Variants in ZFPM2 observed in about 807,000 individuals in gnomAD.
ZFPM2 encodes zinc finger protein ZFPM2.
Under a neutral mutation model 98.6 loss-of-function variants are expected in ZFPM2, and 20 were observed. The observed-to-expected ratio is 0.20, with a 90% confidence interval of 0.14 to 0.29. The LOEUF is 0.29. ZFPM2 is among the 10% of genes least tolerant of loss of function. The pLI, the probability that ZFPM2 is intolerant of heterozygous loss-of-function variation, is 1.00. For missense variants in ZFPM2, 1,310 were observed against 1,388.6 expected (o/e 0.94, Z 0.90); for synonymous variants, 518 against 502.7 (o/e 1.03, Z -0.41).
At chr8:105,578,778 C>T (rs1229309806) in intron 4 of ZFPM2, among the ~76,000 whole-genome samples, 2 of 152,064 alleles carry the variant, frequency 1.3e-5, no homozygotes, top group Non-Finnish European at 2.9e-5. Flanking sequence ...TAAGTTGGAG[C>T]TCAAGTTTCT....
At chr8:105,460,800 A>G (rs1473857152) in intron 3 of ZFPM2, among the ~76,000 whole-genome samples, 1 of 152,110 alleles carries the variant, frequency 6.6e-6, no homozygotes, top group Admixed American at 6.5e-5. Context: ...AGAAAAAAAA[A>G]ATGCTCCATG....
At chr8:105,656,039 C>A (rs752737848) in intron 5 of ZFPM2, among the ~76,000 whole-genome samples, 2 of 152,048 alleles carry the variant, frequency 1.3e-5, no homozygotes, top group Non-Finnish European at 2.9e-5. Flanking sequence ...TTTCTAGACA[C>A]TGGAGTGACC....
intron 4 of ZFPM2, among the ~76,000 whole-genome samples, chr8:105,594,768 A>C (rs73309943): frequency 0.092 from 14,010 of 152,014 alleles, 677 homozygotes; most frequent in African/African-American, 0.14. Context: ...CCTTTTCAGC[A>C]CTCATGTTAA....
At chr8:105,601,866 A>T (rs1816100056) in intron 4 of ZFPM2, among the ~76,000 whole-genome samples, 2 of 152,088 alleles carry the variant, frequency 1.3e-5, no homozygotes, top group African/African-American at 4.8e-5. Context: ...GAAAAGGATA[A>T]ATTTATTTAT....
chr8:105,546,862 A>G (rs569219685), intron 3 of ZFPM2, among the ~76,000 whole-genome samples: 2 of 152,292 alleles, frequency 1.3e-5, no homozygotes, highest in East Asian at 3.9e-4. Context: ...TTAATGATTT[A>G]TGAAATCAAT....
chr8:105,752,661 TGAAATGAACTTAAGGAG>T (rs751720776), intron 5 of ZFPM2, among the ~76,000 whole-genome samples: 61 of 152,302 alleles, frequency 4.0e-4, no homozygotes, highest in South Asian at 8.3e-4. Context: ...CCACCTTATT[TGAAATGAACTTAAGGAG>T]TGATTTCGGG....
At chr8:105,596,793 T>C (rs1815980620) in intron 4 of ZFPM2, among the ~76,000 whole-genome samples, 1 of 142,358 alleles carries the variant, frequency 7.0e-6, no homozygotes, top group African/African-American at 2.6e-5. Flanking sequence ...CCTGAGCAGA[T>C]AGAGCAGATA....
chr8:105,756,689 GGA>G (rs1235104727), intron 5 of ZFPM2, among the ~76,000 whole-genome samples: 4 of 152,138 alleles, frequency 2.6e-5, no homozygotes, highest in Non-Finnish European at 2.9e-5. Context: ...ATGTAAGACG[GGA>G]GAGGGGGAAA....
At chr8:105,674,368 C>T (rs1176273154) in intron 5 of ZFPM2, among the ~76,000 whole-genome samples, 2 of 152,166 alleles carry the variant, frequency 1.3e-5, no homozygotes, top group Admixed American at 6.5e-5. Context: ...GAAATAATTA[C>T]AGCCATGAAC....
At chr8:105,791,809 T>G (rs1813620467) in intron 6 of ZFPM2, among the ~76,000 whole-genome samples, 1 of 152,152 alleles carries the variant, frequency 6.6e-6, no homozygotes, top group African/African-American at 2.4e-5. Context: ...TCTTCCTGGT[T>G]TAGTCTTGGG....
intron 3 of ZFPM2, among the ~76,000 whole-genome samples, chr8:105,445,391 A>T (rs888000893): frequency 3.9e-5 from 6 of 152,180 alleles, no homozygotes; most frequent in African/African-American, 1.4e-4. Context: ...TCAAAAATGT[A>T]TTATATTTAA....
In ZFPM2 at chr8:105,419,988, C is replaced by T. The variant is rs553340683; in HGVS notation, c.199+686C>T. Among the ~76,000 whole-genome samples, 34 of 152,114 alleles carry T rather than the reference C, an allele frequency of 2.2e-4. No homozygotes were observed. The South Asian group carries it at 6.8e-3, about 31-fold the overall frequency. ...TTTCATAAGTCAGTTTAAGGTTCCT[C>T]ATGATTCTTATATATTTATTTTTAT... On this transcript the variant is annotated intron_variant, in intron 2 of 7. Coordinates refer to ENST00000407775, the MANE Select transcript of ZFPM2 (RefSeq NM_012082.4).
At chr8:105,521,153 AAACAC>A (rs1246495659) in intron 3 of ZFPM2, among the ~76,000 whole-genome samples, 34 of 150,648 alleles carry the variant, frequency 2.3e-4, no homozygotes, top group African/African-American at 8.1e-4. Context: ...ACACACACAC[AAACAC>A]ACACACGCAT....
At chr8:105,346,461 A>G (rs957154022) in intron 1 of ZFPM2, among the ~76,000 whole-genome samples, 3 of 152,154 alleles carry the variant, frequency 2.0e-5, no homozygotes, top group Non-Finnish European at 4.4e-5. Context: ...TTACATATGT[A>G]ATTAAACTTA....
chr8:105,571,913 T>G (rs1275304738), intron 4 of ZFPM2, among the ~76,000 whole-genome samples: 1 of 152,210 alleles, frequency 6.6e-6, no homozygotes, highest in Non-Finnish European at 1.5e-5. Flanking sequence ...TTGACAACCT[T>G]TATTATCATA....
rs869198147 is a variant in ZFPM2 at position 105,572,033 on chromosome 8, C to CTTT, written c.420+10572_420+10574dup. Among the ~76,000 whole-genome samples, 357 of 103,336 alleles carry CTTT rather than the reference C, an allele frequency of 3.5e-3. 6 individuals carry two copies. Among genetic ancestry groups the CTTT allele is most frequent in the African/African-American group, 7.2e-3 (198 of 27,422 alleles). 67.8% of individuals were successfully genotyped at this position (103,336 alleles called of 152,430 possible). On this transcript the variant is annotated intron_variant, in intron 4 of 7. Coordinates refer to ENST00000407775, the MANE Select transcript of ZFPM2 (RefSeq NM_012082.4). ...GGGGCAAGTATTCTTGGGTAAATTT[C>CTTT]TTTTTTTTTTTTTTTTTTTTTTGAG...
intron 4 of ZFPM2, among the ~76,000 whole-genome samples, chr8:105,621,760 T>C (rs541318457): frequency 7.9e-5 from 12 of 152,314 alleles, no homozygotes; most frequent in Non-Finnish European, 1.8e-4. Context: ...TATCCTTGAG[T>C]ATTCTACATA....
At chr8:105,600,438 T>C (rs966887470) in intron 4 of ZFPM2, among the ~76,000 whole-genome samples, 3 of 152,138 alleles carry the variant, frequency 2.0e-5, no homozygotes, top group African/African-American at 7.2e-5. Context: ...ATTGAAGTCC[T>C]ACTAAGAAAA....
chr8:105,353,445 G>A (rs955988097), intron 1 of ZFPM2, among the ~76,000 whole-genome samples: 1 of 152,084 alleles, frequency 6.6e-6, no homozygotes, highest in African/African-American at 2.4e-5. Context: ...GATTTTTGTT[G>A]TTGTTGTTGT....
Sources: gnomAD v4.1 joint callset for allele counts (sites outside exome capture counted in the v4.1 genomes callset) on GRCh38, gnomAD v4.1.1 for gene constraint, MANE v1.5 for transcripts, NCBI Gene and HGNC (gene_info 2026-07-23, HGNC 2026-07-21) for gene names.